CSMD1: variants seen among roughly 807,000 people sequenced by gnomAD.
CSMD1 encodes the protein CUB and Sushi multiple domains 1.
A neutral mutation model predicts 417.5 loss-of-function variants in CSMD1; 213 were observed. That is an observed-to-expected ratio of 0.51 (90% CI 0.46 to 0.57). CSMD1 has a LOEUF of 0.57. Ranked by LOEUF, CSMD1 falls within the 20% of genes least tolerant of loss-of-function variation. The pLI, the probability that CSMD1 is intolerant of heterozygous loss-of-function variation, is 0.00. For missense variants in CSMD1, 6,923 were observed against 4,529.7 expected (o/e 1.53, Z -15.17); for synonymous variants, 2,862 against 1,736.8 (o/e 1.65, Z -16.11).
intron 10 of CSMD1, among the ~76,000 whole-genome samples, chr8:3,563,137 CT>C (rs1799541637): frequency 6.6e-6 from 1 of 151,932 alleles, no homozygotes; most frequent in Non-Finnish European, 1.5e-5. Flanking sequence ...TTTCTTCCCC[CT>C]ATTTCATTGT....
At chr8:4,798,968 C>G (rs1798131437) in intron 1 of CSMD1, among the ~76,000 whole-genome samples, 1 of 152,180 alleles carries the variant, frequency 6.6e-6, no homozygotes, top group Non-Finnish European at 1.5e-5. Context: ...ACTCTCCATG[C>G]TTCTGCACGC....
intron 5 of CSMD1, among the ~76,000 whole-genome samples, chr8:3,952,577 A>T (rs1192296627): frequency 6.6e-6 from 1 of 152,220 alleles, no homozygotes; most frequent in Non-Finnish European, 1.5e-5. Flanking sequence ...AAAACAGATC[A>T]GCAGTCACCA....
At chr8:4,672,867 A>G (rs921367133) in intron 1 of CSMD1, among the ~76,000 whole-genome samples, 1 of 152,172 alleles carries the variant, frequency 6.6e-6, no homozygotes, top group African/African-American at 2.4e-5. Context: ...GCATGCATAC[A>G]TGGTAACATG....
chr8:3,074,207 C>T lies in CSMD1; in HGVS notation c.7474+12890G>A, dbSNP rs188032166. Among the ~76,000 whole-genome samples, 6 of 152,298 alleles carry T rather than the reference C, an allele frequency of 3.9e-5. No individual in the cohort carries two copies. In the East Asian group the frequency reaches 1.2e-3, roughly 29 times the overall value. Reference sequence around the variant, plus strand: ...ATGTTCTGTGTCTTTCTTCATCTTCCAAGACAGCTACAAAGGCTCTCCCTC... The same window carrying T: ...ATGTTCTGTGTCTTTCTTCATCTTCTAAGACAGCTACAAAGGCTCTCCCTC... On this transcript the variant is annotated intron_variant, in intron 49 of 69. Transcript: ENST00000635120.
intron 1 of CSMD1, among the ~76,000 whole-genome samples, chr8:4,852,734 G>C (rs1045448098): frequency 8.5e-5 from 13 of 152,182 alleles, no homozygotes; most frequent in Admixed American, 1.3e-4. Context: ...AACTGGTTAA[G>C]TGGTTATAAC....
chr8:4,569,178 T>A (rs1252266670), intron 2 of CSMD1, among the ~76,000 whole-genome samples: 1 of 152,236 alleles, frequency 6.6e-6, no homozygotes, highest in African/African-American at 2.4e-5. Context: ...CTGGCTTTTG[T>A]TGCCATTTCT....
At chr8:3,866,039 C>T (rs1460581569) in intron 5 of CSMD1, among the ~76,000 whole-genome samples, 2 of 150,636 alleles carry the variant, frequency 1.3e-5, no homozygotes, top group Non-Finnish European at 1.5e-5. Flanking sequence ...AACACAGTAA[C>T]ACTTAAAAAG....
chr8:3,300,727 C>A (rs575707107), intron 25 of CSMD1, among the ~76,000 whole-genome samples: 1 of 151,926 alleles, frequency 6.6e-6, no homozygotes, highest in African/African-American at 2.4e-5. Flanking sequence ...GAGGACGAGG[C>A]GGGCAGATCA....
intron 2 of CSMD1, among the ~76,000 whole-genome samples, chr8:4,633,552 T>C (rs1802662071): frequency 1.3e-5 from 2 of 151,098 alleles, no homozygotes; most frequent in Non-Finnish European, 2.9e-5. Context: ...CCAGGCCTAC[T>C]TCCTTTTTCT....
At chr8:4,192,246 T>G (rs1427553011) in intron 3 of CSMD1, among the ~76,000 whole-genome samples, 1 of 152,188 alleles carries the variant, frequency 6.6e-6, no homozygotes, top group South Asian at 2.1e-4. Context: ...TATAGTTCGT[T>G]AGGATTATAA....
chr8:4,570,835 A>G (rs1333921733), intron 2 of CSMD1, among the ~76,000 whole-genome samples: 3 of 152,142 alleles, frequency 2.0e-5, no homozygotes, highest in African/African-American at 7.2e-5. Context: ...TTATTGGTCT[A>G]TTTCGGGATT....
At chr8:3,098,258 T>G (rs770569208) in intron 46 of CSMD1, among the ~76,000 whole-genome samples, 12 of 152,226 alleles carry the variant, frequency 7.9e-5, no homozygotes, top group Non-Finnish European at 1.8e-4. Flanking sequence ...ATTTATTTAT[T>G]GAGTTATCGC....
chr8:4,574,881 C>A (rs187616851), intron 2 of CSMD1, among the ~76,000 whole-genome samples: 1 of 152,164 alleles, frequency 6.6e-6, no homozygotes, highest in Non-Finnish European at 1.5e-5. Context: ...TTTAAATAGA[C>A]TTTCTTTGTG....
chr8:3,530,679 C>T (rs929575952), intron 10 of CSMD1, among the ~76,000 whole-genome samples: 6 of 151,754 alleles, frequency 4.0e-5, no homozygotes, highest in Non-Finnish European at 7.4e-5. Context: ...TACAGGCACC[C>T]GCCACCACAG....
intron 2 of CSMD1, among the ~76,000 whole-genome samples, chr8:4,429,866 T>A (rs1279308794): frequency 2.0e-5 from 3 of 152,132 alleles, no homozygotes; most frequent in Non-Finnish European, 2.9e-5. Flanking sequence ...TTAAGTTCTA[T>A]GAAATGAGGG....
intron 2 of CSMD1, among the ~76,000 whole-genome samples, chr8:4,423,677 A>T (rs1323334163): frequency 6.6e-6 from 1 of 152,048 alleles, no homozygotes; most frequent in Non-Finnish European, 1.5e-5. Context: ...AAATCCCAGC[A>T]AGAATTTTTG....
intron 25 of CSMD1, among the ~76,000 whole-genome samples, chr8:3,289,809 G>C (rs1803416571): frequency 6.8e-6 from 1 of 147,278 alleles, no homozygotes; most frequent in Non-Finnish European, 1.5e-5. Context: ...TTCTTTTGCT[G>C]TGCAGAAGCT....
chr8:4,258,990 G>T (rs76342848), intron 3 of CSMD1, among the ~76,000 whole-genome samples: 5 of 152,286 alleles, frequency 3.3e-5, no homozygotes, highest in African/African-American at 9.6e-5. Flanking sequence ...GACTTTAAAA[G>T]ATTTCCTGCA....
At chr8:4,561,275 G>T (rs894474330) in intron 2 of CSMD1, among the ~76,000 whole-genome samples, 4 of 152,236 alleles carry the variant, frequency 2.6e-5, no homozygotes, top group African/African-American at 9.6e-5. Flanking sequence ...CTGGGAGGCT[G>T]AGGCAGGGGA....
Sources: gnomAD v4.1 joint callset for allele counts (sites outside exome capture counted in the v4.1 genomes callset) on GRCh38, gnomAD v4.1.1 for gene constraint, MANE v1.5 for transcripts, NCBI Gene and HGNC (gene_info 2026-07-23, HGNC 2026-07-21) for gene names.